The following CDH12 variants were observed in gnomAD, a reference collection of about 807,000 sequenced individuals.
CDH12 encodes cadherin 12.
A neutral mutation model predicts 74.1 loss-of-function variants in CDH12; 41 were observed. The ratio of observed to expected loss-of-function variants is 0.55; its 90% CI spans 0.43 to 0.72. CDH12 has a LOEUF of 0.72. Among genes scored for constraint, CDH12 ranks in the 30% least tolerant of loss-of-function variants. The pLI is 0.00. For missense variants in CDH12, 945 were observed against 977.2 expected (o/e 0.97, Z 0.44); for synonymous variants, 399 against 355.0 (o/e 1.12, Z -1.39).
chr5:22,153,593 C>T (rs1747761963), intron 4 of CDH12, among the ~76,000 whole-genome samples: 2 of 150,978 alleles, frequency 1.3e-5, no homozygotes, highest in African/African-American at 2.4e-5. Flanking sequence ...CTCTGTAAGC[C>T]TCAGTTTCTT....
In CDH12 at chr5:22,221,778, A is replaced by C. The variant is rs534640416; in HGVS notation, c.-332-9135T>G. Among the ~76,000 whole-genome samples, 8 of 152,080 alleles carry C rather than the reference A, an allele frequency of 5.3e-5. No individual in the cohort carries two copies. In the South Asian group the frequency reaches 1.7e-3, roughly 31 times the overall value. On this transcript the variant is annotated intron_variant, in intron 3 of 14. Coordinates refer to ENST00000382254, the MANE Select transcript of CDH12 (RefSeq NM_004061.5). ...TTATTATAAAGCTTTAATAATTGAT[A>C]TGTCACTCATTTGATCAAAAGAAAC...
intron 1 of CDH12, among the ~76,000 whole-genome samples, chr5:22,749,196 A>G (rs1329805372): frequency 6.6e-6 from 1 of 152,236 alleles, no homozygotes; most frequent in African/African-American, 2.4e-5. Context: ...ATCAGCAGCA[A>G]CAGCATGAGC....
intron 1 of CDH12, among the ~76,000 whole-genome samples, chr5:22,602,646 T>C (rs75963043): frequency 0.027 from 4,154 of 152,188 alleles, 184 homozygotes; most frequent in African/African-American, 0.095. Flanking sequence ...TAGAATACTA[T>C]ATATTTCCCA....
chr5:22,620,455 AC>A (rs1184298144), intron 1 of CDH12, among the ~76,000 whole-genome samples: 1 of 152,102 alleles, frequency 6.6e-6, no homozygotes, highest in African/African-American at 2.4e-5. Context: ...CAAACAAAAC[AC>A]TACACATGGA....
intron 6 of CDH12, among the ~76,000 whole-genome samples, chr5:21,946,499 A>C (rs1462532941): frequency 6.6e-6 from 1 of 152,210 alleles, no homozygotes; most frequent in Non-Finnish European, 1.5e-5. Flanking sequence ...AAAGAGACTC[A>C]TATGGAAACA....
chr5:22,040,628 A>C (rs1174114105), intron 5 of CDH12, among the ~76,000 whole-genome samples: 3 of 152,210 alleles, frequency 2.0e-5, no homozygotes, highest in African/African-American at 4.8e-5. Context: ...AGAAATCCTA[A>C]AGGCCAAGAG....
chr5:22,163,703 A>G (rs192109447), intron 4 of CDH12, among the ~76,000 whole-genome samples: 18 of 152,158 alleles, frequency 1.2e-4, no homozygotes, highest in Non-Finnish European at 2.4e-4. Flanking sequence ...CCAGGATCAC[A>G]CTGTCAATGA....
chr5:22,623,315 G>A (rs1232106038), intron 1 of CDH12, among the ~76,000 whole-genome samples: 2 of 152,214 alleles, frequency 1.3e-5, no homozygotes, highest in Middle Eastern at 3.4e-3. Context: ...TTCTGGTCAG[G>A]GCAATCAGGC....
intron 3 of CDH12, among the ~76,000 whole-genome samples, chr5:22,395,237 C>G (rs1742406428): frequency 6.6e-6 from 1 of 151,994 alleles, no homozygotes; most frequent in Non-Finnish European, 1.5e-5. Flanking sequence ...GAGGAGGATG[C>G]AGTATGACCA....
At chr5:22,311,009 CCTTTA>C (rs534591398) in intron 3 of CDH12, among the ~76,000 whole-genome samples, 30 of 152,254 alleles carry the variant, frequency 2.0e-4, no homozygotes, top group Admixed American at 5.2e-4. Flanking sequence ...GCTGGTAATA[CCTTTA>C]CTTTACTGCC....
chr5:22,436,593 C>A (rs1196772763), intron 2 of CDH12, among the ~76,000 whole-genome samples: 1 of 151,824 alleles, frequency 6.6e-6, no homozygotes, highest in Non-Finnish European at 1.5e-5. Flanking sequence ...ACTGCAAATC[C>A]CCTGTCTTGA....
intron 2 of CDH12, among the ~76,000 whole-genome samples, chr5:22,416,963 A>T (rs544159096): frequency 5.3e-5 from 8 of 152,202 alleles, no homozygotes; most frequent in South Asian, 4.1e-4. Context: ...TGGGCTAAAG[A>T]TAATTATGGA....
chr5:22,505,571 ATGC>A (rs1329207125), intron 1 of CDH12, among the ~76,000 whole-genome samples: 4 of 152,110 alleles, frequency 2.6e-5, no homozygotes, highest in Non-Finnish European at 4.4e-5. Context: ...TGTACTTACA[ATGC>A]TGCTTTTGAT....
intron 3 of CDH12, among the ~76,000 whole-genome samples, chr5:22,231,550 C>G (rs949356503): frequency 6.6e-6 from 1 of 151,812 alleles, no homozygotes; most frequent in Non-Finnish European, 1.5e-5. Flanking sequence ...TAGTAGGTAC[C>G]AAGAGATACA....
chr5:22,748,987 T>C (rs1385449723), intron 1 of CDH12, among the ~76,000 whole-genome samples: 5 of 152,140 alleles, frequency 3.3e-5, no homozygotes, highest in Admixed American at 2.0e-4. Flanking sequence ...AAAAGGCCTA[T>C]GATAGAGACA....
At position 22,465,002 on chromosome 5, in the gene CDH12, A is replaced by AAG. The variant is rs143430300; in HGVS notation, c.-428+40266_-428+40267dup. Among the ~76,000 whole-genome samples the AAG allele has an allele frequency of 7.4e-3, 973 of 131,034 alleles. 14 individuals are homozygous for AAG. Among genetic ancestry groups the AAG allele is most frequent in the African/African-American group, 0.025 (891 of 35,330 alleles). 86.0% of individuals were successfully genotyped at this position (131,034 alleles called of 152,430 possible). A position where few individuals can be genotyped will look rare whatever the true frequency, so the allele number is the denominator to read the frequency against. ...GGTGAAAGAGTGAGACTGTGTTAAA[A>AAG]AGAGAGAGAGAGAGAGAGGAAGGAA... On this transcript the variant is annotated intron_variant, in intron 2 of 14. Coordinates refer to ENST00000382254, the MANE Select transcript of CDH12 (RefSeq NM_004061.5).
chr5:22,671,868 G>T (rs1740915842), intron 1 of CDH12, among the ~76,000 whole-genome samples: 1 of 150,358 alleles, frequency 6.7e-6, no homozygotes, highest in Admixed American at 6.7e-5. Context: ...TTGGGGGTGG[G>T]GTAACTGTTG....
intron 2 of CDH12, among the ~76,000 whole-genome samples, chr5:22,489,558 A>G (rs1580700902): frequency 6.6e-6 from 1 of 152,274 alleles, no homozygotes; most frequent in East Asian, 1.9e-4. Flanking sequence ...TACAAAAAAT[A>G]ATCTCAAGGA....
chr5:21,868,668 C>T (rs1180220851), intron 6 of CDH12, among the ~76,000 whole-genome samples: 2 of 152,142 alleles, frequency 1.3e-5, no homozygotes, highest in Admixed American at 6.5e-5. Flanking sequence ...AATGTCTATG[C>T]TATGCCTGTC....
Sources: gnomAD v4.1 joint callset for allele counts (sites outside exome capture counted in the v4.1 genomes callset) on GRCh38, gnomAD v4.1.1 for gene constraint, MANE v1.5 for transcripts, NCBI Gene and HGNC (gene_info 2026-07-23, HGNC 2026-07-21) for gene names.